The following NCKAP5 variants were observed in gnomAD, a reference collection of about 807,000 sequenced individuals.
NCKAP5 encodes nck-associated protein 5.
A neutral mutation model predicts 167.0 loss-of-function variants in NCKAP5; 92 were observed. The observed-to-expected ratio is 0.55, with a 90% CI of 0.47 to 0.66. The LOEUF (loss-of-function observed/expected upper bound fraction) is 0.66, where lower values mean the gene tolerates loss of function less well. NCKAP5 is among the 30% of genes least tolerant of loss of function. The pLI is 0.00. For synonymous variants in NCKAP5, 891 were observed against 877.4 expected (o/e 1.02, Z -0.27); for missense variants, 2,378 against 2,315.0 (o/e 1.03, Z -0.56).
intron 6 of NCKAP5, among the ~76,000 whole-genome samples, chr2:133,068,040 A>G (rs1229703882): frequency 3.3e-5 from 5 of 152,176 alleles, no homozygotes; most frequent in Non-Finnish European, 5.9e-5. Context: ...GGCAAAACCC[A>G]GAGAGAGGTA....
chr2:133,547,150 G>A (rs1007270455), intron 2 of NCKAP5, among the ~76,000 whole-genome samples: 9 of 152,180 alleles, frequency 5.9e-5, no homozygotes, highest in African/African-American at 2.2e-4. Flanking sequence ...ACTCCCACCC[G>A]AATATTGCGC....
chr2:133,073,119 C>T (rs2080475027), intron 6 of NCKAP5, among the ~76,000 whole-genome samples: 1 of 152,128 alleles, frequency 6.6e-6, no homozygotes, highest in Admixed American at 6.5e-5. Context: ...TGAGGACAGC[C>T]TTGATTTTCA....
chr2:133,534,620 G>A (rs1685615559), intron 2 of NCKAP5, among the ~76,000 whole-genome samples: 2 of 152,038 alleles, frequency 1.3e-5, no homozygotes, highest in Admixed American at 6.6e-5. Flanking sequence ...CTTCCACTTC[G>A]CATCATGTTT....
intron 13 of NCKAP5, among the ~76,000 whole-genome samples, 160 bp downstream of exon 13, chr2:132,789,863 G>A (rs949417271): frequency 2.0e-5 from 3 of 152,164 alleles, no homozygotes; most frequent in African/African-American, 7.2e-5. Context: ...TGTTTTATGA[G>A]GCTATAGCAT....
chr2:133,090,552 A>G (rs561096620), intron 6 of NCKAP5, among the ~76,000 whole-genome samples: 1 of 152,220 alleles, frequency 6.6e-6, no homozygotes, highest in Admixed American at 6.5e-5. Context: ...GCCCAAGGGA[A>G]TGTGGCTCTG....
At chr2:133,467,743 G>A (rs912381873) in intron 3 of NCKAP5, among the ~76,000 whole-genome samples, 6 of 146,408 alleles carry the variant, frequency 4.1e-5, no homozygotes, top group Non-Finnish European at 7.5e-5. Context: ...TCTTGGGAGA[G>A]TGTATGTGTC....
At chr2:132,710,009 T>C (rs1170433361) in intron 19 of NCKAP5, among the ~76,000 whole-genome samples, 1 of 152,132 alleles carries the variant, frequency 6.6e-6, no homozygotes, top group African/African-American at 2.4e-5. Flanking sequence ...AACGGATCAT[T>C]ATTTACAAAA....
At chr2:133,192,555 G>GA (rs1023180921) in intron 5 of NCKAP5, among the ~76,000 whole-genome samples, 7 of 149,406 alleles carry the variant, frequency 4.7e-5, no homozygotes, top group South Asian at 4.2e-4. Flanking sequence ...AAGCTCGAAA[G>GA]AAAAAAAAAT....
intron 5 of NCKAP5, among the ~76,000 whole-genome samples, chr2:133,141,953 C>T (rs941802562): frequency 6.6e-6 from 1 of 152,154 alleles, no homozygotes; most frequent in African/African-American, 2.4e-5. Flanking sequence ...TGGAACTAAT[C>T]ACAAGCTTTG....
chr2:133,418,846 GT>G (rs2151085142), intron 3 of NCKAP5, among the ~76,000 whole-genome samples: 1 of 152,268 alleles, frequency 6.6e-6, no homozygotes, highest in African/African-American at 2.4e-5. Context: ...AAACCTCAGT[GT>G]TTCAACACAG....
intron 8 of NCKAP5, among the ~76,000 whole-genome samples, chr2:132,881,745 A>C (rs74817896): frequency 6.6e-6 from 1 of 151,956 alleles, no homozygotes; most frequent in South Asian, 2.1e-4. Context: ...GTTAACTTTC[A>C]TCACTTGGTT....
chr2:132,783,971 T>C lies in NCKAP5; in HGVS notation c.2840A>G (p.Tyr947Cys). ...VSLLARPSYD[Y>C]SPAPSSTKSE... The stretch of plus-strand genomic sequence containing the variant: ...CTTGGTGGATGAAGGTGCTGGTGAA[T>C]AGTCATAGCTGGGCCTGGCCAGCAG... Residue 947 changes from tyrosine to cysteine, a missense_variant, in exon 14 of 20, where the codon TAT becomes TGT. Around this residue, in one of 3 missense-constraint regions of NCKAP5, gnomAD observed 1,325 missense variants for 1,274.5 expected, o/e 1.04. Transcript: ENST00000409261. 1 of 1,597,420 alleles carries C rather than the reference T, an allele frequency of 6.3e-7. No homozygotes were observed. The highest frequency in any genetic ancestry group is 8.5e-7 in the Non-Finnish European group (1 of 1,173,260).
At chr2:133,170,175 T>G (rs749819962) in intron 5 of NCKAP5, among the ~76,000 whole-genome samples, 3 of 152,204 alleles carry the variant, frequency 2.0e-5, no homozygotes, top group Non-Finnish European at 4.4e-5. Flanking sequence ...AAATGTTTAA[T>G]TTCATTGCCT....
the NCKAP5 span, among the ~76,000 whole-genome samples, chr2:133,614,190 C>T: frequency 6.6e-6 from 1 of 152,138 alleles, no homozygotes; most frequent in East Asian, 1.9e-4. Flanking sequence ...GCTTTCTCAA[C>T]AGGGAGTCTC....
At chr2:132,908,061 T>C (rs985907561) in intron 8 of NCKAP5, among the ~76,000 whole-genome samples, 1 of 152,196 alleles carries the variant, frequency 6.6e-6, no homozygotes, top group Non-Finnish European at 1.5e-5. Context: ...ACTCCTCCTA[T>C]ACCTAGACAC....
chr2:133,408,771 C>A (rs115436057), intron 3 of NCKAP5, among the ~76,000 whole-genome samples: 2 of 152,208 alleles, frequency 1.3e-5, no homozygotes, highest in Non-Finnish European at 2.9e-5. Flanking sequence ...CTGGCAGAGC[C>A]TTTCTGCTGC....
At chr2:132,692,709 T>C (rs1686884594) in intron 19 of NCKAP5, among the ~76,000 whole-genome samples, 1 of 152,204 alleles carries the variant, frequency 6.6e-6, no homozygotes, top group African/African-American at 2.4e-5. Context: ...TATAAACATT[T>C]CTCTAATTAC....
chr2:133,225,507 T>A (rs2086842853), intron 4 of NCKAP5, among the ~76,000 whole-genome samples: 1 of 152,152 alleles, frequency 6.6e-6, no homozygotes, highest in Non-Finnish European at 1.5e-5. Flanking sequence ...ACTGATGGAA[T>A]CCCTGATGGA....
intron 5 of NCKAP5, among the ~76,000 whole-genome samples, chr2:133,211,309 C>A (rs964231811): frequency 6.6e-6 from 1 of 152,134 alleles, no homozygotes; most frequent in African/African-American, 2.4e-5. Context: ...TGGCTCACTG[C>A]AACTTCTGTC....
Sources: gnomAD v4.1 joint callset for allele counts (sites outside exome capture counted in the v4.1 genomes callset) on GRCh38, gnomAD v4.1.1 for gene constraint, gnomAD v4.1.1 regional missense constraint, MANE v1.5 for transcripts, NCBI Gene and HGNC (gene_info 2026-07-23, HGNC 2026-07-21) for gene names.